NOL4: variants seen among roughly 807,000 people sequenced by gnomAD.
The protein encoded by NOL4 is cancer/testis antigen 125.
In NOL4, 17 loss-of-function variants were observed where a neutral mutation model predicts 75.9. The ratio of observed to expected loss-of-function variants is 0.22; its 90% CI spans 0.15 to 0.34. The LOEUF is 0.34. Ranked by LOEUF, NOL4 falls within the 10% of genes least tolerant of loss-of-function variation. The pLI is 1.00. For missense variants in NOL4, 614 were observed against 793.5 expected (o/e 0.77, Z 2.72); for synonymous variants, 292 against 289.9 (o/e 1.01, Z -0.07).
rs77986216 is a variant in NOL4, at chr18:34,036,366, G to A, written c.773-16765C>T. 6.6e-5 allele frequency among the ~76,000 whole-genome samples: 10 copies of A among 152,042 alleles called. No homozygotes were observed. The East Asian group carries it at 1.7e-3, about 26-fold the overall frequency. On this transcript the variant is annotated intron_variant, in intron 5 of 10. Transcript: ENST00000261592. ...ATGCATCATATCAATAAAATGAAGGGAAAAAACAACAGATGCCGAAAAAGC... is the reference window on the plus strand; with the variant it reads ...ATGCATCATATCAATAAAATGAAGGAAAAAAACAACAGATGCCGAAAAAGC...
At chr18:33,905,923 C>A (rs2066011921) in intron 9 of NOL4, among the ~76,000 whole-genome samples, 1 of 152,158 alleles carries the variant, frequency 6.6e-6, no homozygotes, top group African/African-American at 2.4e-5. Flanking sequence ...CCATTGTCCT[C>A]AATTCCACAA....
At chr18:34,007,705 C>G (rs2146293176) in intron 6 of NOL4, among the ~76,000 whole-genome samples, 1 of 152,122 alleles carries the variant, frequency 6.6e-6, no homozygotes, top group South Asian at 2.1e-4. Flanking sequence ...ATTTAAGCAA[C>G]TGCATATCAG....
intron 9 of NOL4, among the ~76,000 whole-genome samples, chr18:33,883,913 A>C (rs2064472365): frequency 6.6e-6 from 1 of 152,116 alleles, no homozygotes; most frequent in Non-Finnish European, 1.5e-5. Flanking sequence ...AATCAAAGAC[A>C]AAGAAACATA....
Position 33,980,688 on chromosome 18 carries a change from G to A in NOL4, c.1057-22270C>T, listed in dbSNP as rs893767086. 4.0e-5 allele frequency among the ~76,000 whole-genome samples: 6 copies of A among 151,846 alleles called. No homozygotes were observed. In the South Asian group the frequency reaches 1.2e-3, roughly 32 times the overall value. ...TACTAAAGACTAAGACCTAATCAAA[G>A]GGCTATAGGATGCTTCCCCTCCCAT... On this transcript the variant is annotated intron_variant, in intron 6 of 10. Coordinates refer to ENST00000261592, the MANE Select transcript of NOL4 (RefSeq NM_003787.5).
chr18:34,022,551 A>G (rs935358966), intron 5 of NOL4, among the ~76,000 whole-genome samples: 1 of 152,060 alleles, frequency 6.6e-6, no homozygotes. Context: ...TCTTACGCTA[A>G]ATTATGAAGA....
At chr18:33,978,361 G>A (rs923049401) in intron 6 of NOL4, among the ~76,000 whole-genome samples, 2 of 152,116 alleles carry the variant, frequency 1.3e-5, no homozygotes, top group African/African-American at 4.8e-5. Context: ...AGAGACTTGG[G>A]TGTCAAGAGA....
At chr18:34,097,146 T>C (rs1402558457) in intron 4 of NOL4, among the ~76,000 whole-genome samples, 1 of 152,216 alleles carries the variant, frequency 6.6e-6, no homozygotes, top group East Asian at 1.9e-4. Context: ...AACATGTCAC[T>C]TCTCTGCTTA....
chr18:33,963,993 T>C (rs1330693547), intron 6 of NOL4, among the ~76,000 whole-genome samples: 1 of 152,104 alleles, frequency 6.6e-6, no homozygotes, highest in Non-Finnish European at 1.5e-5. Flanking sequence ...ATGTCCTAAA[T>C]GAGGGAAGAA....
At chr18:34,205,650 G>A (rs990677988) in intron 1 of NOL4, among the ~76,000 whole-genome samples, 1 of 152,114 alleles carries the variant, frequency 6.6e-6, no homozygotes, top group Admixed American at 6.6e-5. Context: ...TCAGAAGCAA[G>A]TGAATCACAT....
intron 5 of NOL4, among the ~76,000 whole-genome samples, chr18:34,068,288 T>A (rs966867478): frequency 4.6e-5 from 7 of 152,134 alleles, no homozygotes; most frequent in Admixed American, 3.3e-4. Flanking sequence ...GACAAATATC[T>A]TAGTGTGTCA....
In NOL4 at chr18:34,034,670, G is replaced by A. The variant is rs545378659; in HGVS notation, c.773-15069C>T. On this transcript the variant is annotated intron_variant, in intron 5 of 10. Transcript: ENST00000261592. The stretch of plus-strand genomic sequence containing the variant: ...ATGAGAATCACTTGAACTTCGGGAG[G>A]TGGAGGTCACAGTGAGTGGAGATTG... Among the ~76,000 whole-genome samples the A allele has an allele frequency of 2.6e-5, 4 of 152,170 alleles. No homozygotes were observed. In the South Asian group the frequency reaches 6.2e-4, roughly 24 times the overall value.
chr18:34,104,378 G>A (rs984591803), intron 3 of NOL4, among the ~76,000 whole-genome samples: 2 of 151,896 alleles, frequency 1.3e-5, no homozygotes, highest in African/African-American at 4.8e-5. Flanking sequence ...ATAAATGCAG[G>A]GGAACTTTTA....
intron 5 of NOL4, among the ~76,000 whole-genome samples, chr18:34,064,442 C>T (rs1427408871): frequency 6.6e-6 from 1 of 151,856 alleles, no homozygotes; most frequent in Non-Finnish European, 1.5e-5. Context: ...AACCTTGGGC[C>T]CTGTACCCTC....
At chr18:33,972,405 C>T (rs1859486538) in intron 6 of NOL4, among the ~76,000 whole-genome samples, 1 of 152,046 alleles carries the variant, frequency 6.6e-6, no homozygotes, top group African/African-American at 2.4e-5. Context: ...CACACCAAAA[C>T]TATAAAAAGC....
At chr18:33,958,853 TATATC>T (rs1346031971) in intron 6 of NOL4, among the ~76,000 whole-genome samples, 1 of 152,162 alleles carries the variant, frequency 6.6e-6, no homozygotes, top group Non-Finnish European at 1.5e-5. Context: ...AATATTGTAT[TATATC>T]ATATCAGTAT....
chr18:34,114,724 TGTC>T (rs1220808748), intron 2 of NOL4, among the ~76,000 whole-genome samples: 2 of 152,286 alleles, frequency 1.3e-5, no homozygotes, highest in African/African-American at 4.8e-5. Context: ...TGAAATGAAT[TGTC>T]GTTGTTACAC....
intron 1 of NOL4, among the ~76,000 whole-genome samples, chr18:34,138,226 C>T (rs1427389399): frequency 6.6e-6 from 1 of 151,868 alleles, no homozygotes; most frequent in Non-Finnish European, 1.5e-5. Flanking sequence ...TAGTGAGACC[C>T]TCATCACTAT....
chr18:34,195,500 G>T (rs1434308849), intron 1 of NOL4, among the ~76,000 whole-genome samples: 2 of 151,872 alleles, frequency 1.3e-5, no homozygotes, highest in Non-Finnish European at 2.9e-5. Flanking sequence ...TTATTAGTAC[G>T]AAATACTGAA....
At chr18:33,977,602 A>C (rs1600124011) in intron 6 of NOL4, among the ~76,000 whole-genome samples, 1 of 152,204 alleles carries the variant, frequency 6.6e-6, no homozygotes, top group Non-Finnish European at 1.5e-5. Context: ...CAGCAGTATG[A>C]AAATGAACTC....
Sources: allele counts gnomAD v4.1 joint callset (sites outside exome capture counted in the v4.1 genomes callset), GRCh38; gene constraint gnomAD v4.1.1; transcripts MANE v1.5; gene names NCBI Gene and HGNC (gene_info 2026-07-23, HGNC 2026-07-21).